Variants in DCAF8L2 observed in about 807,000 individuals in gnomAD.
DCAF8L2 encodes the protein DDB1- and CUL4-associated factor 8-like protein 2.
For synonymous variants in DCAF8L2, 200 were observed against 190.9 expected, an observed-to-expected ratio of 1.05 and a Z score of -0.39; for missense variants, 430 against 490.7, an observed-to-expected ratio of 0.88 and a Z score of 1.17.
At chrX:27,726,348 A>G (rs912926034) in intron 4 of DCAF8L2, among the ~76,000 whole-genome samples, 5 of 111,559 alleles carry the variant, frequency 4.5e-5, no homozygotes, top group African/African-American at 6.5e-5. Context: ...GCTAACATCA[A>G]TTATGCACCT....
the DCAF8L2 span, chrX:27,519,073 T>G: frequency 6.7e-6 from 7 of 1,040,855 alleles, no homozygotes; most frequent in East Asian, 2.1e-4. Flanking sequence ...ACAGATGAAG[T>G]CTCAGGCTAG....
At chrX:27,524,982 G>A in the DCAF8L2 span, among the ~76,000 whole-genome samples, 3 of 112,221 alleles carry the variant, frequency 2.7e-5, no homozygotes, top group East Asian at 8.4e-4. Flanking sequence ...AGTGCGATGT[G>A]GTGCTGAGAA....
the DCAF8L2 span, among the ~76,000 whole-genome samples, chrX:27,575,717 T>A: frequency 8.9e-6 from 1 of 112,231 alleles, no homozygotes; most frequent in Non-Finnish European, 1.9e-5. Context: ...TTGAAGCTTG[T>A]CAAAGCAGAA....
the DCAF8L2 span, among the ~76,000 whole-genome samples, chrX:27,562,226 A>G: frequency 8.9e-6 from 1 of 112,711 alleles, no homozygotes; most frequent in East Asian, 2.8e-4. Context: ...AGTAACACAC[A>G]TCTAGTACAT....
chrX:27,555,636 A>G, the DCAF8L2 span, among the ~76,000 whole-genome samples: 1 of 112,136 alleles, frequency 8.9e-6, no homozygotes, highest in African/African-American at 3.2e-5. Flanking sequence ...GCAATAATGG[A>G]TAGAATTCCT....
the DCAF8L2 span, among the ~76,000 whole-genome samples, chrX:27,485,235 G>A: frequency 1.8e-5 from 2 of 111,748 alleles, no homozygotes; most frequent in Admixed American, 9.5e-5. Context: ...TAAAACTCTC[G>A]TGCTAATATT....
intron 1 of DCAF8L2, among the ~76,000 whole-genome samples, chrX:27,604,419 T>C (rs893358445): frequency 3.6e-5 from 4 of 111,104 alleles, no homozygotes; most frequent in Admixed American, 9.7e-5. Flanking sequence ...CATATCACTC[T>C]TACCTAAGAA....
intron 3 of DCAF8L2, among the ~76,000 whole-genome samples, chrX:27,685,221 T>A (rs1930461272): frequency 8.9e-6 from 1 of 111,902 alleles, no homozygotes; most frequent in African/African-American, 3.2e-5. Context: ...TAAAAAATAA[T>A]CGAGGTGGGA....
At chrX:27,561,342 C>G in the DCAF8L2 span, among the ~76,000 whole-genome samples, 2 of 112,053 alleles carry the variant, frequency 1.8e-5, no homozygotes, top group Non-Finnish European at 3.8e-5. Flanking sequence ...TCACATTTAG[C>G]TATAGCCACC....
chrX:27,513,900 G>A, the DCAF8L2 span, among the ~76,000 whole-genome samples: 1 of 111,654 alleles, frequency 9.0e-6, no homozygotes, highest in Non-Finnish European at 1.9e-5. Context: ...ACAAATGCTG[G>A]TGGGGCCATT....
intron 2 of DCAF8L2, among the ~76,000 whole-genome samples, chrX:27,634,730 G>GA (rs1230552601): frequency 9.0e-6 from 1 of 110,775 alleles, no homozygotes; most frequent in Non-Finnish European, 1.9e-5. Context: ...CAGTGAAAAT[G>GA]CAATGAAAAC....
At chrX:27,692,538 G>T in intron 3 of DCAF8L2, among the ~76,000 whole-genome samples, 1 of 111,649 alleles carries the variant, frequency 9.0e-6, no homozygotes, top group East Asian at 2.8e-4. Flanking sequence ...TTAAACAAAA[G>T]AGCATGGATG....
upstream of DCAF8L2, among the ~76,000 whole-genome samples, chrX:27,587,985 A>AAAAATATATATATATATATATATATATAT: frequency 4.5e-5 from 1 of 22,371 alleles, no homozygotes; most frequent in Non-Finnish European, 1.2e-4. Flanking sequence ...TAAAAAAAAA[A>AAAAATATATATATATATATATATATATAT]ATATATATAT....
the DCAF8L2 span, among the ~76,000 whole-genome samples, chrX:27,535,231 G>T: frequency 4.5e-5 from 5 of 111,589 alleles, no homozygotes; most frequent in Admixed American, 4.8e-4. Flanking sequence ...GATTATGCTT[G>T]CTTTCTATTG....
At chrX:27,471,632 C>T in the DCAF8L2 span, among the ~76,000 whole-genome samples, 1 of 111,642 alleles carries the variant, frequency 9.0e-6, no homozygotes, top group Non-Finnish European at 1.9e-5. Context: ...AAATCTGAGG[C>T]AGCAACCACT....
At chrX:27,697,725 A>G (rs1420573507) in intron 3 of DCAF8L2, among the ~76,000 whole-genome samples, 1 of 111,391 alleles carries the variant, frequency 9.0e-6, no homozygotes, top group Non-Finnish European at 1.9e-5. Flanking sequence ...GCTACTTTGT[A>G]GACTAGAATG....
the DCAF8L2 span, among the ~76,000 whole-genome samples, chrX:27,570,462 T>C: frequency 8.9e-6 from 1 of 111,833 alleles, no homozygotes; most frequent in Non-Finnish European, 1.9e-5. Flanking sequence ...CATTTCTTCC[T>C]ATTTACTATT....
intron 1 of DCAF8L2, among the ~76,000 whole-genome samples, chrX:27,605,429 TATA>T (rs910640836): frequency 9.0e-6 from 1 of 111,112 alleles, no homozygotes; most frequent in African/African-American, 3.3e-5. Context: ...CATATATACA[TATA>T]ATATTATATA....
the DCAF8L2 span, chrX:27,519,469 G>C: frequency 4.6e-6 from 5 of 1,098,869 alleles, no homozygotes; most frequent in Non-Finnish European, 6.3e-6. Context: ...GAAAAAGGAA[G>C]AGGAAGCTAC....
Sources: allele counts gnomAD v4.1 joint callset (sites outside exome capture counted in the v4.1 genomes callset), GRCh38; gene constraint gnomAD v4.1.1; transcripts MANE v1.5; gene names NCBI Gene and HGNC (gene_info 2026-07-23, HGNC 2026-07-21).